Variants in EHMT1 observed in about 807,000 individuals in gnomAD.
The protein encoded by EHMT1 is histone-lysine N-methyltransferase EHMT1.
A neutral mutation model predicts 147.2 loss-of-function variants in EHMT1; 15 were observed. The ratio of observed to expected loss-of-function variants is 0.10; its 90% CI spans 0.07 to 0.16. The LOEUF is 0.16. Among genes scored for constraint, EHMT1 ranks in the 10% least tolerant of loss-of-function variants. EHMT1 has a pLI of 1.00. For missense variants in EHMT1, 1,587 were observed against 1,772.4 expected (o/e 0.90, Z 1.88); for synonymous variants, 795 against 709.6 (o/e 1.12, Z -1.91).
intron 1 of EHMT1, among the ~76,000 whole-genome samples, chr9:137,655,026 C>G (rs1025491402): frequency 1.3e-5 from 2 of 151,254 alleles, no homozygotes; most frequent in Non-Finnish European, 2.9e-5. Flanking sequence ...GAGATGGAGT[C>G]TTGCTCTTGC....
chr9:137,642,644 A>C (rs890690675), intron 1 of EHMT1, among the ~76,000 whole-genome samples: 1 of 152,148 alleles, frequency 6.6e-6, no homozygotes, highest in Non-Finnish European at 1.5e-5. Context: ...ACTATATGAA[A>C]TATTTATTTG....
chr9:137,817,701 C>G (rs951636964), intron 24 of EHMT1, 176 bp downstream of exon 24: 29 of 769,354 alleles, frequency 3.8e-5, no homozygotes, highest in Admixed American at 6.8e-5. Context: ...GTCCTCAGTC[C>G]TCTTGCTGCT....
chr9:137,794,650 G>GAAA (rs11302977), intron 16 of EHMT1, among the ~76,000 whole-genome samples: 1 of 106,230 alleles, frequency 9.4e-6, no homozygotes, highest in African/African-American at 3.3e-5. Context: ...CCATCTCTAA[G>GAAA]AAAAAAAAAA....
At chr9:137,824,922 T>C (rs1955701978) in intron 25 of EHMT1, among the ~76,000 whole-genome samples, 1 of 152,196 alleles carries the variant, frequency 6.6e-6, no homozygotes, top group Non-Finnish European at 1.5e-5. Context: ...AGACAGTTTT[T>C]CTTCTCGCGT....
chr9:137,628,611 A>G (rs979059413), intron 1 of EHMT1, among the ~76,000 whole-genome samples: 1 of 152,190 alleles, frequency 6.6e-6, no homozygotes, highest in Non-Finnish European at 1.5e-5. Flanking sequence ...CTTGAGAAGC[A>G]GATTCTTCCG....
Position 137,813,507 on chromosome 9 carries a change from G to T in EHMT1, c.3157G>T (p.Asp1053Tyr), listed in dbSNP as rs200398481. The change falls in exon 21 of 27, where the codon GAC becomes TAC. Residue 1053 changes from aspartate to tyrosine, a missense_variant. Coordinates refer to ENST00000460843, the MANE Select transcript of EHMT1 (RefSeq NM_024757.5). This position sits in a 1 kb window ranked among gnomAD's most constrained non-coding sequence, Gnocchi z 4.9. ...CTGCGTGACGTCCCCCATGAACATC[G>T]ACAGAAATATCACTCATCTGCAGGT... is the stretch of plus-strand genomic sequence containing the variant. ...QNCVTSPMNI[D>Y]RNITHLQYCV... 1 of 1,613,820 alleles carries T rather than the reference G, an allele frequency of 6.2e-7. No individual in the cohort carries two copies. The highest frequency in any genetic ancestry group is 8.5e-7 in the Non-Finnish European group (1 of 1,180,030).
chr9:137,691,313 A>G (rs1177867157), intron 1 of EHMT1, among the ~76,000 whole-genome samples: 26 of 149,040 alleles, frequency 1.7e-4, no homozygotes, highest in Non-Finnish European at 1.5e-5. Context: ...ATGTAATTAT[A>G]TATATATATA....
chr9:137,662,419 A>C (rs1013107321), intron 1 of EHMT1, among the ~76,000 whole-genome samples: 3 of 152,070 alleles, frequency 2.0e-5, no homozygotes, highest in African/African-American at 4.8e-5. Context: ...GCTGGTCTTG[A>C]ACTCCTGGGC....
At chr9:137,684,657 A>C (rs1459869591) in intron 1 of EHMT1, among the ~76,000 whole-genome samples, 1 of 151,776 alleles carries the variant, frequency 6.6e-6, no homozygotes, top group Non-Finnish European at 1.5e-5. Flanking sequence ...AGGCCCGGCT[A>C]ATTTTTTCAA....
At chr9:137,734,228 G>A (rs1416943052) in intron 4 of EHMT1, among the ~76,000 whole-genome samples, 2 of 152,188 alleles carry the variant, frequency 1.3e-5, no homozygotes, top group Admixed American at 1.3e-4. Context: ...GATCCTAAAG[G>A]AAGGTATGGA....
At chr9:137,825,618 T>C (rs939994468) in intron 25 of EHMT1, among the ~76,000 whole-genome samples, 9 of 152,220 alleles carry the variant, frequency 5.9e-5, no homozygotes, top group African/African-American at 1.9e-4. Flanking sequence ...GAAACCCTGA[T>C]GCTCTTGTAT....
chr9:137,743,811 C>T (rs1344719053), intron 5 of EHMT1, 91 bp from the exon 6 acceptor site: 1 of 1,463,822 alleles, frequency 6.8e-7, no homozygotes, highest in Non-Finnish European at 9.2e-7. Flanking sequence ...GCCCTTGCAC[C>T]TCCCAGTCAC....
intron 18 of EHMT1, among the ~76,000 whole-genome samples, chr9:137,806,579 G>A (rs1953965122): frequency 6.6e-6 from 1 of 151,634 alleles, no homozygotes; most frequent in Non-Finnish European, 1.5e-5. Flanking sequence ...GGGATTATAG[G>A]CGCTGGCCAC....
chr9:137,726,670 C>T (rs1251495505), intron 3 of EHMT1, among the ~76,000 whole-genome samples: 2 of 152,188 alleles, frequency 1.3e-5, no homozygotes, highest in Admixed American at 6.5e-5. Context: ...ATGGTAGTTC[C>T]ACACTTAGCT....
At chr9:137,625,247 T>G (rs879241191) in intron 1 of EHMT1, among the ~76,000 whole-genome samples, 8 of 152,240 alleles carry the variant, frequency 5.3e-5, no homozygotes, top group Admixed American at 2.0e-4. Context: ...GATCGTTGCA[T>G]CCGTGATTTT....
At chr9:137,676,598 G>A (rs1426481043) in intron 1 of EHMT1, 2 of 152,396 alleles carry the variant, frequency 1.3e-5, no homozygotes, top group African/African-American at 4.8e-5. Flanking sequence ...CAGATAAAAA[G>A]GAGTCCCCGG....
chr9:137,740,311 GC>G (rs1042264503), intron 4 of EHMT1, among the ~76,000 whole-genome samples: 6 of 151,752 alleles, frequency 4.0e-5, no homozygotes, highest in African/African-American at 9.7e-5. Context: ...GGGTCCTGAA[GC>G]CCCCCCCTCG....
intron 1 of EHMT1, among the ~76,000 whole-genome samples, chr9:137,674,388 A>G (rs973938132): frequency 1.1e-4 from 16 of 152,084 alleles, no homozygotes; most frequent in African/African-American, 3.6e-4. Context: ...CCACAGTAAA[A>G]TCTCTCAGAA....
chr9:137,825,220 G>A (rs926945378), intron 25 of EHMT1, among the ~76,000 whole-genome samples: 9 of 152,202 alleles, frequency 5.9e-5, no homozygotes, highest in African/African-American at 1.2e-4. Flanking sequence ...CTGTGGGCCA[G>A]AAGCAAGTCA....
Sources: allele counts gnomAD v4.1 joint callset (sites outside exome capture counted in the v4.1 genomes callset), GRCh38; gene constraint gnomAD v4.1.1; non-coding constraint Gnocchi (gnomAD v3.1); transcripts MANE v1.5; gene names NCBI Gene and HGNC (gene_info 2026-07-23, HGNC 2026-07-21).